The following ABCA7 variants were observed in gnomAD, a reference collection of about 807,000 sequenced individuals.
ABCA7 encodes ATP binding cassette subfamily A member 7.
A neutral mutation model predicts 227.6 loss-of-function variants in ABCA7; 261 were observed. The observed-to-expected ratio is 1.15, with a 90% CI of 1.04 to 1.27. The LOEUF (loss-of-function observed/expected upper bound fraction) is 1.27, where lower values mean the gene tolerates loss of function less well. Ranked by LOEUF, ABCA7 falls within the 50% of genes most tolerant of loss-of-function variation. ABCA7 has a pLI of 0.00. For synonymous variants in ABCA7, 1,488 were observed against 1,279.7 expected, an observed-to-expected ratio of 1.16 and a Z score of -3.47; for missense variants, 3,331 against 2,924.5, an observed-to-expected ratio of 1.14 and a Z score of -3.21.
chr19:1,041,798 C>T (rs1363720678), intron 3 of ABCA7, 33 bp from the exon 4 acceptor site: 1 of 1,599,442 alleles, frequency 6.3e-7, no homozygotes, highest in African/African-American at 1.3e-5. Context: ...AGGCAGAGTC[C>T]ACAGGGCCTC....
intron 38 of ABCA7, 29 bp from the exon 39 acceptor site, chr19:1,058,791 C>CT: frequency 6.3e-7 from 1 of 1,597,216 alleles, no homozygotes; most frequent in Non-Finnish European, 8.5e-7. Flanking sequence ...CAAGGACCTA[C>CT]TTTAAGCCCA....
Position 1,042,373 on chromosome 19 carries a change from G to T in ABCA7, c.474G>T (p.Glu158Asp), listed in dbSNP as rs772356677. 6.2e-7 allele frequency: 1 copy of T among 1,606,156 alleles called. No individual in the cohort carries two copies. Among genetic ancestry groups the T allele is most frequent in the Admixed American group, 1.7e-5 (1 of 59,768 alleles). ...AACCACCCATGCTGGATGTCGCGGA[G>T]CTGCTGACGTCACTGCTGCGCACGG... ...PLEPPMLDVAELLTSLLRTES... is the reference protein window; with the variant it reads ...PLEPPMLDVADLLTSLLRTES... The change falls in exon 6 of 47, where the codon GAG becomes GAT. Residue 158 changes from glutamate (E) to aspartate (D), a missense_variant. Glu to Asp is a conservative substitution (Grantham distance 45, BLOSUM62 2). Transcript: ENST00000263094.
chr19:1,041,578 C>A lies in ABCA7; in HGVS notation c.135C>A (p.Ser45=). 2 of 1,612,660 alleles carry A rather than the reference C, an allele frequency of 1.2e-6. No homozygotes were observed. Among genetic ancestry groups the A allele is most frequent in the South Asian group, 2.2e-5 (2 of 91,080 alleles). The stretch of plus-strand genomic sequence containing the variant: ...TCATCCTGGTGGCTGTTCGCCACTC[C>A]CACCCGCCCCTGGAGCACCATGAAT... ...LFFILVAVRH[S]HPPLEHHECH... The change falls in exon 3 of 47, where the codon TCC becomes TCA. Residue 45 remains serine (S), a synonymous_variant. Coordinates refer to ENST00000263094, the MANE Select transcript of ABCA7 (RefSeq NM_019112.4).
In ABCA7 at chr19:1,053,607, T is replaced by C. The variant is rs996839077; in HGVS notation, c.3423+76T>C. 3 of 1,523,248 alleles carry C rather than the reference T, an allele frequency of 2.0e-6. No homozygotes were observed. The African/African-American group carries it at 4.1e-5, about 21-fold the overall frequency. The allele number at this position is 1,523,248 out of a possible 1,614,324, so 94.4% of individuals were successfully genotyped here. A position where few individuals can be genotyped will look rare whatever the true frequency, so the allele number is the denominator to read the frequency against. On this transcript the variant is annotated intron_variant, in intron 24 of 46. Coordinates refer to ENST00000263094, the MANE Select transcript of ABCA7 (RefSeq NM_019112.4). ...AGGAGGTGGTGTTTTGAAGGATGAA[T>C]AGCGTGTTTATGAGCAGCAAGGACA... is the stretch of plus-strand genomic sequence containing the variant.
rs2040844209 is a variant in ABCA7, at chr19:1,047,667, G to A, written c.2269+13G>A. ...GCTGTGTGCCCAGGTGGGCCGTAGGGGGCGGGGCTCCGGGCCGGGTCGCAC... is the reference window on the plus strand; with the variant it reads ...GCTGTGTGCCCAGGTGGGCCGTAGGAGGCGGGGCTCCGGGCCGGGTCGCAC... On this transcript the variant is annotated intron_variant, in intron 16 of 46. Coordinates refer to ENST00000263094, the MANE Select transcript of ABCA7 (RefSeq NM_019112.4). The A allele has an allele frequency of 6.3e-7, 1 of 1,580,578 alleles. No homozygotes were observed. Among genetic ancestry groups the A allele is most frequent in the African/African-American group, 1.3e-5 (1 of 74,462 alleles).
Position 1,056,373 on chromosome 19 carries a change from T to A in ABCA7, c.4460T>A (p.Val1487Asp). 6.2e-7 allele frequency: 1 copy of A among 1,613,150 alleles called. No homozygotes were observed. The highest frequency in any genetic ancestry group is 8.5e-7 in the Non-Finnish European group (1 of 1,179,880). Residue 1487 changes from valine to aspartate, a missense_variant, in exon 33 of 47, where the codon GTC (valine) becomes GAC (aspartate). Coordinates refer to ENST00000263094, the MANE Select transcript of ABCA7 (RefSeq NM_019112.4). The surrounding 1 kb of genome is among the most constrained non-coding windows in gnomAD (Gnocchi z 4.3). The part of the protein sequence containing the change: ...NKGWHSMVAF[V>D]NRASNAILRA... ...GGCTGGCACTCCATGGTGGCCTTTG[T>A]CAACCGAGCCAGCAACGCAATCCTC... is the stretch of plus-strand genomic sequence containing the variant.
intron 13 of ABCA7, 58 bp from the exon 14 acceptor site, chr19:1,046,744 G>GGCGGAGGGGGGGTCT: frequency 6.7e-7 from 1 of 1,483,610 alleles, no homozygotes; most frequent in South Asian, 1.2e-5. Flanking sequence ...CCAGATGGTG[G>GGCGGAGGGGGGGTCT]GCGGAGGGGG....
In ABCA7 at chr19:1,049,285, G is replaced by C; in HGVS notation, c.2400G>C (p.Pro800=). The part of the protein sequence containing the change: ...LDPKVLVEEA[P]PGLSPGVSVR... ...CTGCAGTGCTGGTAGAAGAGGCACC[G>C]CCCGGCCTGAGTCCTGGCGTCTCCG... The change falls in exon 18 of 47, where the codon CCG becomes CCC. Residue 800 remains proline, a synonymous_variant. Transcript: ENST00000263094. 6.2e-7 allele frequency: 1 copy of C among 1,608,400 alleles called. No individual in the cohort carries two copies. Among genetic ancestry groups the C allele is most frequent in the South Asian group, 1.1e-5 (1 of 90,776 alleles).
rs1270613115 is a variant in ABCA7, at chr19:1,055,151, CTG to C, written c.4006_4007del (p.Trp1336AspfsTer12). 1 of 1,612,844 alleles carries C rather than the reference CTG, an allele frequency of 6.2e-7. No individual in the cohort carries two copies. Among genetic ancestry groups the C allele is most frequent in the African/African-American group, 1.3e-5 (1 of 74,946 alleles). On this transcript the variant is annotated frameshift_variant, in exon 30 of 47. Transcript: ENST00000263094. LOFTEE classifies it high-confidence loss of function. The stretch of plus-strand genomic sequence containing the variant: ...TGGCCAAGGTCTTGGCCAGTGGCAA[CTG>C]GACCCCAGAGTCTCCATCCCCAGCC... The part of the protein sequence containing the change: ...EVAKVLASGN[W>X]TPESPSPACQ...
chr19:1,048,958 G>C lies in ABCA7; in HGVS notation c.2333G>C (p.Arg778Pro). ...PFRRSYWCGP[R>P]PPKSPAPCPT... ...CGGAGGAGCTACTGGTGCGGACCTC[G>C]GCCCCCCAAGAGTCCAGCCCCTTGC... is the stretch of plus-strand genomic sequence containing the variant. Residue 778 changes from arginine (R) to proline (P), a missense_variant, in exon 17 of 47, where the codon CGG (arginine) becomes CCG (proline). Transcript: ENST00000263094. The C allele has an allele frequency of 6.2e-7, 1 of 1,608,496 alleles. No individual in the cohort carries two copies. Among genetic ancestry groups the C allele is most frequent in the Non-Finnish European group, 8.5e-7 (1 of 1,177,974 alleles).
In ABCA7 at chr19:1,041,243, G is replaced by A; in HGVS notation, c.-119G>A. ...TAATCAGAGCTTCCAGGAACCCTGC[G>A]CTGTGGGATAAAGGAATGAGGTTCA... On this transcript the variant is annotated 5_prime_UTR_variant, in exon 2 of 47. Transcript: ENST00000263094. The A allele has an allele frequency of 9.7e-7, 1 of 1,030,538 alleles. No individual in the cohort carries two copies. Among genetic ancestry groups the A allele is most frequent in the Admixed American group, 1.7e-5 (1 of 58,614 alleles). 63.8% of individuals were successfully genotyped at this position (1,030,538 alleles called of 1,614,324 possible). A position where few individuals can be genotyped will look rare whatever the true frequency, so the allele number is the denominator to read the frequency against.
At chr19:1,058,123 A>T (rs764296667) in intron 36 of ABCA7, 23 bp from the exon 37 acceptor site, 6 of 1,613,920 alleles carry the variant, frequency 3.7e-6, no homozygotes, top group Non-Finnish European at 3.4e-6. Flanking sequence ...CCTGACCAAC[A>T]TCCGTCTCCC....
chr19:1,053,521 G>A lies in ABCA7; in HGVS notation c.3413G>A (p.Ser1138Asn). Reference sequence around the variant, plus strand: ...ACTGGCTACGGGATCTCCGACACCAGCCTCGAGGAGGTGTGAGGCCTGGGT... The same window carrying A: ...ACTGGCTACGGGATCTCCGACACCAACCTCGAGGAGGTGTGAGGCCTGGGT... ...RLTGYGISDT[S>N]LEEIFLKVVE... is the part of the protein sequence containing the mutation. Residue 1138 changes from serine (S) to asparagine (N), a missense_variant, in exon 24 of 47, where the codon AGC (serine) becomes AAC (asparagine). Physicochemically the swap from Ser to Asn is conservative, Grantham distance 46 (BLOSUM62 1). Coordinates refer to ENST00000263094, the MANE Select transcript of ABCA7 (RefSeq NM_019112.4). The A allele has an allele frequency of 6.4e-7, 1 of 1,564,958 alleles. No homozygotes were observed. Among genetic ancestry groups the A allele is most frequent in the African/African-American group, 1.4e-5 (1 of 73,872 alleles).
In ABCA7 at chr19:1,054,751, C is replaced by T. The variant is rs768415969; in HGVS notation, c.3852-29C>T. On this transcript the variant is annotated intron_variant, in intron 28 of 46. Coordinates refer to ENST00000263094, the MANE Select transcript of ABCA7 (RefSeq NM_019112.4). This position sits in a 1 kb window ranked among gnomAD's most constrained non-coding sequence, Gnocchi z 4.8. Reference sequence around the variant, plus strand: ...AAGACTAGGGACCTGGGGGTACAGCCCTGACCCTACATCTCCCCTCACACA... The same window carrying T: ...AAGACTAGGGACCTGGGGGTACAGCTCTGACCCTACATCTCCCCTCACACA... 5.0e-6 allele frequency: 8 copies of T among 1,609,072 alleles called. No individual in the cohort carries two copies. The highest frequency in any genetic ancestry group is 6.8e-6 in the Non-Finnish European group (8 of 1,177,414).
At chr19:1,043,598 C>T (rs111762673) in intron 9 of ABCA7, 125 bp downstream of exon 9, 8 of 1,559,850 alleles carry the variant, frequency 5.1e-6, no homozygotes, top group Admixed American at 5.1e-5. Flanking sequence ...AGGAGTTAGC[C>T]GATGGAGGGG....
At chr19:1,058,393 C>CCAAGGCCA in intron 37 of ABCA7, 124 bp downstream of exon 37, 1 of 1,470,350 alleles carries the variant, frequency 6.8e-7, no homozygotes, top group Non-Finnish European at 9.0e-7. Flanking sequence ...TCTTAGGTGG[C>CCAAGGCCA]CCTAAGGTTG....
In ABCA7 at chr19:1,041,920, C is replaced by T; in HGVS notation, c.250C>T (p.Gln84Ter). Residue 84 changes from glutamine to a stop codon, truncating the protein, a stop_gained, in exon 4 of 47, where the codon CAG (glutamine) becomes TAG (stop). Coordinates refer to ENST00000263094, the MANE Select transcript of ABCA7 (RefSeq NM_019112.4). LOFTEE classifies it high-confidence loss of function. ...ICNVNNTCFP[Q>*]LTPGEEPGRL... ...TAATGTGAACAACACCTGCTTTCCG[C>T]AGCTGACACCGGGCGAGGAGCCCGG... 6.3e-7 allele frequency: 1 copy of T among 1,599,638 alleles called. No individual in the cohort carries two copies. Among genetic ancestry groups the T allele is most frequent in the Non-Finnish European group, 8.5e-7 (1 of 1,177,752 alleles).
At position 1,052,029 on chromosome 19, in the gene ABCA7, G is replaced by A; in HGVS notation, c.3050G>A (p.Cys1017Tyr). The A allele has an allele frequency of 6.2e-7, 1 of 1,612,262 alleles. No homozygotes were observed. The highest frequency in any genetic ancestry group is 8.5e-7 in the Non-Finnish European group (1 of 1,179,914). Reference sequence around the variant, plus strand: ...GCCGTGGTGGCAGGTGGCCGCTTGTGCTGCTGTGGCTCCCCACTCTTCCTG... The same window carrying A: ...GCCGTGGTGGCAGGTGGCCGCTTGTACTGCTGTGGCTCCCCACTCTTCCTG... ...RVAVVAGGRL[C>Y]CCGSPLFLRR... The change falls in exon 22 of 47, where the codon TGC becomes TAC. Residue 1017 changes from cysteine to tyrosine, a missense_variant. Transcript: ENST00000263094.
intron 42 of ABCA7, among the ~76,000 whole-genome samples, chr19:1,063,155 C>G (rs111665029): frequency 7.2e-6 from 1 of 138,506 alleles, no homozygotes; most frequent in South Asian, 2.4e-4. Context: ...GCCCCATACT[C>G]ATGCTGGCTC....
Sources: gnomAD v4.1 joint callset for allele counts (sites outside exome capture counted in the v4.1 genomes callset) on GRCh38, gnomAD v4.1.1 for gene constraint, Gnocchi (gnomAD v3.1) non-coding constraint, MANE v1.5 for transcripts, NCBI Gene and HGNC (gene_info 2026-07-23, HGNC 2026-07-21) for gene names.